ERI1: variants seen among roughly 807,000 people sequenced by gnomAD.
ERI1 encodes the protein exoribonuclease 1.
A neutral mutation model predicts 39.7 loss-of-function variants in ERI1; 39 were observed. The ratio of observed to expected loss-of-function variants is 0.98; its 90% CI spans 0.76 to 1.28. The LOEUF is 1.28. Ranked by LOEUF, ERI1 falls within the 50% of genes most tolerant of loss-of-function variation. ERI1 has a pLI of 0.00. For missense variants in ERI1, 581 were observed against 416.9 expected, an observed-to-expected ratio of 1.39 and a Z score of -3.43; for synonymous variants, 204 against 149.6, an observed-to-expected ratio of 1.36 and a Z score of -2.65.
chr8:9,082,327 C>T (rs1329988722), intron 3 of ERI1, among the ~76,000 whole-genome samples: 2 of 152,184 alleles, frequency 1.3e-5, no homozygotes, highest in African/African-American at 2.4e-5. Flanking sequence ...TCCTCTGGCT[C>T]ACGTCCAGTA....
chr8:9,046,473 T>G (rs144937893), intron 3 of ERI1, among the ~76,000 whole-genome samples: 132 of 152,320 alleles, frequency 8.7e-4, no homozygotes, highest in African/African-American at 2.9e-3. Flanking sequence ...GCTCCTTTAT[T>G]TCTTTGAGAA....
chr8:9,029,150 C>T (rs149546502), intron 6 of ERI1, among the ~76,000 whole-genome samples: 74 of 151,944 alleles, frequency 4.9e-4, no homozygotes, highest in African/African-American at 1.5e-3. Flanking sequence ...AGAAAAATAC[C>T]ATGTAAAATA....
chr8:9,015,703 CAG>C (rs1817170459), intron 3 of ERI1, among the ~76,000 whole-genome samples: 1 of 108,530 alleles, frequency 9.2e-6, no homozygotes, highest in Non-Finnish European at 1.7e-5. Context: ...GCCTGGGAGA[CAG>C]AGCGAGACTC....
chr8:9,019,092 C>G (rs1817614310), intron 5 of ERI1, among the ~76,000 whole-genome samples: 1 of 152,118 alleles, frequency 6.6e-6, no homozygotes, highest in South Asian at 2.1e-4. Flanking sequence ...TTCCATAATG[C>G]TTACCTTAGT....
chr8:9,060,414 GC>G (rs1349784921), intron 3 of ERI1, among the ~76,000 whole-genome samples: 1 of 151,898 alleles, frequency 6.6e-6, no homozygotes, highest in Non-Finnish European at 1.5e-5. Context: ...GGGGGCGGGG[GC>G]AAATCTCCAA....
intron 3 of ERI1, among the ~76,000 whole-genome samples, chr8:9,057,096 G>T (rs1450752720): frequency 1.3e-5 from 2 of 152,050 alleles, no homozygotes; most frequent in Non-Finnish European, 2.9e-5. Flanking sequence ...GCCTCCAAAA[G>T]TGCTAGGATT....
At chr8:9,003,773 G>A (rs1815638164) in intron 1 of ERI1, among the ~76,000 whole-genome samples, 1 of 152,190 alleles carries the variant, frequency 6.6e-6, no homozygotes, top group South Asian at 2.1e-4. Flanking sequence ...TTTAACGAAT[G>A]TTAATTGTTG....
At chr8:9,027,738 G>GT (rs1014064123) in intron 6 of ERI1, among the ~76,000 whole-genome samples, 1 of 152,122 alleles carries the variant, frequency 6.6e-6, no homozygotes, top group Non-Finnish European at 1.5e-5. Context: ...AAAGGCTGTT[G>GT]TTTTTTCCCC....
intron 3 of ERI1, among the ~76,000 whole-genome samples, chr8:9,094,228 A>G (rs954006046): frequency 2.0e-5 from 3 of 152,338 alleles, no homozygotes; most frequent in Admixed American, 1.3e-4. Flanking sequence ...ATAATAGCAT[A>G]TTACAATATG....
intron 3 of ERI1, among the ~76,000 whole-genome samples, chr8:9,093,814 C>T (rs773958632): frequency 2.6e-5 from 4 of 152,052 alleles, no homozygotes; most frequent in African/African-American, 7.2e-5. Context: ...TGACCTCAGA[C>T]GATCCACTCG....
chr8:9,067,415 TGTGTG>T (rs1454415888), intron 3 of ERI1, among the ~76,000 whole-genome samples: 6 of 148,146 alleles, frequency 4.1e-5, no homozygotes, highest in Non-Finnish European at 7.4e-5. Context: ...TGTGTGTGTG[TGTGTG>T]CAATATCAAT....
chr8:9,023,793 C>T (rs146917628), intron 6 of ERI1, among the ~76,000 whole-genome samples: 136 of 80,508 alleles, frequency 1.7e-3, no homozygotes, highest in South Asian at 3.6e-3. Flanking sequence ...GTAAAAATGA[C>T]TTTTTTTTTT....
chr8:9,021,688 A>T (rs1035739465), intron 6 of ERI1, among the ~76,000 whole-genome samples: 14 of 151,776 alleles, frequency 9.2e-5, no homozygotes, highest in Non-Finnish European at 7.4e-5. Context: ...TTAGTATTTA[A>T]ATGTATATCC....
At chr8:9,036,347 C>T (rs1585247840), downstream of ERI1, among the ~76,000 whole-genome samples, 2 of 152,186 alleles carry the variant, frequency 1.3e-5, no homozygotes, top group Admixed American at 6.5e-5. Flanking sequence ...ACAGCCACTC[C>T]AATCTTCATC....
chr8:9,066,772 G>A (rs1798893401), intron 3 of ERI1, among the ~76,000 whole-genome samples: 1 of 152,078 alleles, frequency 6.6e-6, no homozygotes, highest in Non-Finnish European at 1.5e-5. Flanking sequence ...AATGTGACAG[G>A]CGGGTGAGTT....
chr8:9,004,915 T>C (rs914723151), intron 1 of ERI1, among the ~76,000 whole-genome samples: 2 of 152,126 alleles, frequency 1.3e-5, no homozygotes, highest in Admixed American at 1.3e-4. Context: ...CTGGAACTCC[T>C]GACCTCAGGT....
At chr8:9,071,503 A>T (rs1401226303) in intron 3 of ERI1, among the ~76,000 whole-genome samples, 1 of 152,222 alleles carries the variant, frequency 6.6e-6, no homozygotes, top group East Asian at 1.9e-4. Flanking sequence ...CTTGTAAATG[A>T]TGTCCTAATT....
chr8:9,091,091 T>G (rs553420887), intron 3 of ERI1: 2 of 152,340 alleles, frequency 1.3e-5, no homozygotes, highest in South Asian at 4.1e-4. Context: ...CTATTTTATT[T>G]ATGTGTAAGT....
chr8:9,027,512 T>A (rs924740207), intron 6 of ERI1, among the ~76,000 whole-genome samples: 1 of 152,216 alleles, frequency 6.6e-6, no homozygotes, highest in Non-Finnish European at 1.5e-5. Flanking sequence ...ATTTTTTCTT[T>A]TGTTGCCTGT....
Sources: gnomAD v4.1 joint callset for allele counts (sites outside exome capture counted in the v4.1 genomes callset) on GRCh38, gnomAD v4.1.1 for gene constraint, MANE v1.5 for transcripts, NCBI Gene and HGNC (gene_info 2026-07-23, HGNC 2026-07-21) for gene names.